OGFOD3: variants seen among roughly 807,000 people sequenced by gnomAD.
OGFOD3 encodes the protein 2-oxoglutarate and iron dependent oxygenase domain containing 3, also known as 2-oxoglutarate and iron-dependent oxygenase domain-containing protein 3.
OGFOD3 carries 35 observed loss-of-function variants against 39.8 expected under a neutral mutation model. The observed-to-expected ratio is 0.88, with a 90% CI of 0.67 to 1.17. The LOEUF is 1.17. Among genes scored for constraint, OGFOD3 ranks in the 50% most tolerant of loss-of-function variants. The pLI is 0.00. For synonymous variants in OGFOD3, 200 were observed against 192.0 expected (o/e 1.04, Z -0.34); for missense variants, 438 against 454.5 (o/e 0.96, Z 0.33).
At chr17:82,412,440 C>T (rs1341356808) in intron 2 of OGFOD3, among the ~76,000 whole-genome samples, 35 of 108,130 alleles carry the variant, frequency 3.2e-4, no homozygotes, top group Middle Eastern at 9.5e-3. Flanking sequence ...GCATGGTTAT[C>T]GGGGCAGGGG....
chr17:82,399,542 T>C (rs112838931), intron 7 of OGFOD3, among the ~76,000 whole-genome samples: 5,625 of 152,278 alleles, frequency 0.037, 291 homozygotes, highest in African/African-American at 0.12. Context: ...ACATTTCCAA[T>C]GTTGTGCAGC....
At position 82,406,479 on chromosome 17, in the gene OGFOD3, A is replaced by G; in HGVS notation, c.427T>C (p.Ser143Pro). The change falls in exon 5 of 9, where the codon TCC (serine) becomes CCC (proline). Residue 143 changes from serine to proline, a missense_variant. Coordinates refer to ENST00000313056, the MANE Select transcript of OGFOD3 (RefSeq NM_024648.3). The surrounding 1 kb of genome is among the most constrained non-coding windows in gnomAD (Gnocchi z 5.2). ...GCCCCTGAGTGCAAGTCCAGAATGG[A>G]TGCCTGGAAAAGACGTTGTGGAGTA... ...LSLGGSDGGA[S>P]ILDLHSGALS... 1.2e-6 allele frequency: 2 copies of G among 1,614,102 alleles called. No homozygotes were observed. The highest frequency in any genetic ancestry group is 1.7e-6 in the Non-Finnish European group (2 of 1,179,942).
At chr17:82,403,423 G>C (rs1002905910) in intron 7 of OGFOD3, among the ~76,000 whole-genome samples, 1 of 152,148 alleles carries the variant, frequency 6.6e-6, no homozygotes, top group Non-Finnish European at 1.5e-5. Context: ...CCTGAGCTCA[G>C]GATTTTGAGA....
At position 82,392,841 on chromosome 17, in the gene OGFOD3, C is replaced by A; in HGVS notation, c.824-307G>T. The A allele has an allele frequency of 2.7e-6, 1 of 373,936 alleles. No homozygotes were observed. Among genetic ancestry groups the A allele is most frequent in the Non-Finnish European group, 4.8e-6 (1 of 206,700 alleles). The allele number at this position is 373,936 out of a possible 1,614,324, so 23.2% of individuals were successfully genotyped here. A position where few individuals can be genotyped will look rare whatever the true frequency, so the allele number is the denominator to read the frequency against. On this transcript the variant is annotated intron_variant, in intron 8 of 8. Transcript: ENST00000313056. The surrounding 1 kb of genome is among the most constrained non-coding windows in gnomAD (Gnocchi z 4.2). ...ACTGGCTCCAGACACCCCAGGTCAT[C>A]TGATCTCCCGAGCTCCGGGCATTTG... is the stretch of plus-strand genomic sequence containing the variant.
chr17:82,410,710 CTTTTTTTTTT>C (rs71168106), intron 3 of OGFOD3, among the ~76,000 whole-genome samples: 4 of 91,708 alleles, frequency 4.4e-5, no homozygotes, highest in Non-Finnish European at 6.0e-5. Context: ...GCACATAATT[CTTTTTTTTTT>C]TTTTTTTTTT....
At position 82,391,069 on chromosome 17, in the gene OGFOD3, G is replaced by A. The variant is rs1259788847; in HGVS notation, c.*1329C>T. On this transcript the variant is annotated 3_prime_UTR_variant, in exon 9 of 9. Transcript: ENST00000313056. This position sits in a 1 kb window ranked among gnomAD's most constrained non-coding sequence, Gnocchi z 5.1. ...ATCTATGCCAGACAGGCTAAGGGAG[G>A]AGGGACCGAGGCAGGAGGGGCTGAG... 6.4e-6 allele frequency: 1 copy of A among 155,828 alleles called. No homozygotes were observed. Among genetic ancestry groups the A allele is most frequent in the African/African-American group, 2.4e-5 (1 of 41,468 alleles). The allele number at this position is 155,828 out of a possible 1,614,324, so 9.7% of individuals were successfully genotyped here. A position where few individuals can be genotyped will look rare whatever the true frequency, so the allele number is the denominator to read the frequency against.
At position 82,403,998 on chromosome 17, in the gene OGFOD3, C is replaced by A. The variant is rs368120240; in HGVS notation, c.638G>T (p.Arg213Leu). Residue 213 changes from arginine (R) to leucine (L), a missense_variant, in exon 7 of 9, where the codon CGC becomes CTC. Physicochemically the swap from Arg to Leu is moderately radical, Grantham distance 102. Transcript: ENST00000313056. Reference sequence around the variant, plus strand: ...CGTCCGCGCTTCCGTGCTGTTTATGCGGGAGAAGAAGGTGGGCTTGGTCAG... The same window carrying A: ...CGTCCGCGCTTCCGTGCTGTTTATGAGGGAGAAGAAGGTGGGCTTGGTCAG... Reference protein sequence around the residue: ...LHLTKPTFFSRINSTEARTAH... With the variant: ...LHLTKPTFFSLINSTEARTAH... 5.6e-6 allele frequency: 9 copies of A among 1,609,986 alleles called. No individual in the cohort carries two copies. Among genetic ancestry groups the A allele is most frequent in the African/African-American group, 1.3e-5 (1 of 74,892 alleles).
rs1198478454 is a variant in OGFOD3 at position 82,392,541 on chromosome 17, G to A, written c.824-7C>T. 1.3e-6 allele frequency: 2 copies of A among 1,577,400 alleles called. No homozygotes were observed. Among genetic ancestry groups the A allele is most frequent in the Admixed American group, 1.9e-5 (1 of 53,964 alleles). On this transcript the variant is annotated splice_polypyrimidine_tract_variant and splice_region_variant and intron_variant, in intron 8 of 8. Coordinates refer to ENST00000313056, the MANE Select transcript of OGFOD3 (RefSeq NM_024648.3). The surrounding 1 kb of genome is among the most constrained non-coding windows in gnomAD (Gnocchi z 4.2). ...GTGAAGAAGGAGACGCGACCTGGGA[G>A]AGGAGAAGAGAGAGAGGTGGCCATA...
chr17:82,407,200 G>C (rs1242788161), intron 4 of OGFOD3, among the ~76,000 whole-genome samples: 1 of 152,038 alleles, frequency 6.6e-6, no homozygotes, highest in African/African-American at 2.4e-5. Flanking sequence ...GGGAGGCGGA[G>C]GTTGCAGCGA....
intron 2 of OGFOD3, among the ~76,000 whole-genome samples, chr17:82,414,716 T>C (rs1174048263): frequency 6.6e-6 from 1 of 152,246 alleles, no homozygotes; most frequent in Non-Finnish European, 1.5e-5. Flanking sequence ...TTGGTTCAAG[T>C]GCAAAGCATT....
rs1035763367 is a variant in OGFOD3, at chr17:82,415,506, C to T, written c.196G>A (p.Ala66Thr). 4 of 1,613,528 alleles carry T rather than the reference C, an allele frequency of 2.5e-6. No homozygotes were observed. The highest frequency in any genetic ancestry group is 1.3e-5 in the African/African-American group (1 of 74,922). ...TALLLWSSLG[A>T]DDGVAEVLAR... ...AGGACCTCTGCGACCCCGTCGTCGG[C>T]CCCCAAGCTGCTCCAGAGCAGGAGT... is the stretch of plus-strand genomic sequence containing the variant. The change falls in exon 2 of 9, where the codon GCC becomes ACC. Residue 66 changes from alanine to threonine, a missense_variant. Ala to Thr is a moderately conservative substitution (Grantham distance 58). Transcript: ENST00000313056. The surrounding 1 kb of genome is among the most constrained non-coding windows in gnomAD (Gnocchi z 5.3).
chr17:82,397,741 C>A (rs1418541146), intron 8 of OGFOD3, among the ~76,000 whole-genome samples: 1 of 152,102 alleles, frequency 6.6e-6, no homozygotes, highest in Non-Finnish European at 1.5e-5. Context: ...GGTTCTGAAG[C>A]CGGCACCGCA....
intron 7 of OGFOD3, among the ~76,000 whole-genome samples, chr17:82,401,824 C>A (rs111607103): frequency 0.076 from 7,086 of 93,138 alleles, 361 homozygotes; most frequent in African/African-American, 0.2. Flanking sequence ...AAAAAAAAAA[C>A]AAAGACTGCC....
intron 5 of OGFOD3, among the ~76,000 whole-genome samples, 173 bp from the exon 6 acceptor site, chr17:82,405,553 G>A (rs1450680894): frequency 1.3e-5 from 2 of 152,224 alleles, no homozygotes; most frequent in South Asian, 2.1e-4. Context: ...AGTGGCTCAC[G>A]CCTGTAATCC....
chr17:82,412,298 G>A lies in OGFOD3; in HGVS notation c.305-768C>T, dbSNP rs1329587999. ...GGGTGGTCGGGGCAGGGGCAGGGTC[G>A]TTGGGACAGGAGCAACACGGTCGGG... is the stretch of plus-strand genomic sequence containing the variant. On this transcript the variant is annotated intron_variant, in intron 2 of 8. Coordinates refer to ENST00000313056, the MANE Select transcript of OGFOD3 (RefSeq NM_024648.3). Among the ~76,000 whole-genome samples, 4 of 147,458 alleles carry A rather than the reference G, an allele frequency of 2.7e-5. No individual in the cohort carries two copies. The South Asian group carries it at 8.5e-4, about 31-fold the overall frequency.
chr17:82,406,763 G>A lies in OGFOD3; in HGVS notation c.424-281C>T, dbSNP rs1050627577. Among the ~76,000 whole-genome samples the A allele has an allele frequency of 1.3e-4, 19 of 151,938 alleles. No homozygotes were observed. In the East Asian group the frequency reaches 1.9e-3, roughly 15 times the overall value. On this transcript the variant is annotated intron_variant, in intron 4 of 8. Coordinates refer to ENST00000313056, the MANE Select transcript of OGFOD3 (RefSeq NM_024648.3). This position sits in a 1 kb window ranked among gnomAD's most constrained non-coding sequence, Gnocchi z 5.2. The stretch of plus-strand genomic sequence containing the variant: ...AGTAAAGGCGCTCGCCACCACACCT[G>A]GCTAATTTTTCTATTTTTTGTAGAG...
Position 82,418,414 on chromosome 17 carries a change from G to GC in OGFOD3, c.71dup (p.Ser24ArgfsTer69). Reference sequence around the variant, plus strand: ...GCCCTTCCCCTCCTCACCGCTACCTGCTCCGGTTCCGGCGCTCGGCCGCTC... The same window carrying GC: ...GCCCTTCCCCTCCTCACCGCTACCTGCCTCCGGTTCCGGCGCTCGGCCGCTC... On this transcript the variant is annotated frameshift_variant, in exon 1 of 9. Coordinates refer to ENST00000313056, the MANE Select transcript of OGFOD3 (RefSeq NM_024648.3). LOFTEE classifies it high-confidence loss of function. 1 of 1,477,978 alleles carries GC rather than the reference G, an allele frequency of 6.8e-7. No individual in the cohort carries two copies. The allele number at this position is 1,477,978 out of a possible 1,614,324, so 91.6% of individuals were successfully genotyped here.
At chr17:82,401,817 A>AAAAAAAAAAAAAAAAAAAAAAAAC (rs2052770551) in intron 7 of OGFOD3, among the ~76,000 whole-genome samples, 1 of 149,894 alleles carries the variant, frequency 6.7e-6, no homozygotes, top group South Asian at 2.1e-4. Flanking sequence ...AAAAAAAAAA[A>AAAAAAAAAAAAAAAAAAAAAAAAC]AAAAAACAAA....
chr17:82,393,627 A>G (rs1400096028), intron 8 of OGFOD3: 1 of 152,138 alleles, frequency 6.6e-6, no homozygotes, highest in Non-Finnish European at 1.5e-5. Flanking sequence ...CTAACCTTAC[A>G]CTTTTAAAGG....
Sources: gnomAD v4.1 joint callset for allele counts (sites outside exome capture counted in the v4.1 genomes callset) on GRCh38, gnomAD v4.1.1 for gene constraint, Gnocchi (gnomAD v3.1) non-coding constraint, MANE v1.5 for transcripts, NCBI Gene and HGNC (gene_info 2026-07-23, HGNC 2026-07-21) for gene names.